IQSEC3: variants seen among roughly 807,000 people sequenced by gnomAD.
IQSEC3 encodes IQ motif and Sec7 domain ArfGEF 3.
A neutral mutation model predicts 105.4 loss-of-function variants in IQSEC3; 50 were observed. The ratio of observed to expected loss-of-function variants is 0.47; its 90% CI spans 0.38 to 0.60. The LOEUF (loss-of-function observed/expected upper bound fraction) is 0.60. Among genes scored for constraint, IQSEC3 ranks in the 20% least tolerant of loss-of-function variants. IQSEC3 has a pLI of 0.00. For missense variants in IQSEC3, 1,415 were observed against 1,630.0 expected, an observed-to-expected ratio of 0.87 and a Z score of 2.27; for synonymous variants, 708 against 746.0, an observed-to-expected ratio of 0.95 and a Z score of 0.83.
intron 1 of IQSEC3, among the ~76,000 whole-genome samples, chr12:79,947 T>A (rs1363411784): frequency 2.0e-5 from 3 of 152,248 alleles, no homozygotes; most frequent in African/African-American, 7.2e-5. Flanking sequence ...TTGAGTTTTG[T>A]TCCCTAATAA....
chr12:92,165 G>C (rs573804639), intron 1 of IQSEC3, among the ~76,000 whole-genome samples: 2 of 152,198 alleles, frequency 1.3e-5, no homozygotes, highest in African/African-American at 4.8e-5. Flanking sequence ...AGCCACAGGG[G>C]ACTGAATTCT....
chr12:174,027 C>G (rs768532239), intron 13 of IQSEC3, among the ~76,000 whole-genome samples: 1 of 152,198 alleles, frequency 6.6e-6, no homozygotes, highest in Non-Finnish European at 1.5e-5. Context: ...TGTTCTCGAA[C>G]GCAGGGTCAT....
At chr12:76,287 C>T (rs1467016485) in intron 1 of IQSEC3, among the ~76,000 whole-genome samples, 1 of 152,232 alleles carries the variant, frequency 6.6e-6, no homozygotes, top group African/African-American at 2.4e-5. Flanking sequence ...AGGCCCCTTA[C>T]CAGGCAGGAT....
chr12:106,074 A>G (rs1864639115), intron 2 of IQSEC3, among the ~76,000 whole-genome samples: 1 of 152,224 alleles, frequency 6.6e-6, no homozygotes, highest in African/African-American at 2.4e-5. Context: ...AATACTAGCC[A>G]CCATGTCCTG....
At chr12:99,040 C>CG in intron 1 of IQSEC3, 106 bp from the exon 2 acceptor site, 1 of 983,298 alleles carries the variant, frequency 1.0e-6, no homozygotes, top group Non-Finnish European at 1.5e-6. Context: ...CTCAAAAGGG[C>CG]GGGGGTAGGA....
intron 2 of IQSEC3, among the ~76,000 whole-genome samples, chr12:107,565 G>T (rs576531467): frequency 6.6e-6 from 1 of 151,648 alleles, no homozygotes; most frequent in East Asian, 1.9e-4. Context: ...GCCCGCCACC[G>T]TGCCCGGCTA....
In IQSEC3 at chr12:87,324, A is replaced by G. The variant is rs116421896; in HGVS notation, c.555-11822A>G. Reference sequence around the variant, plus strand: ...GCATGAAGGCTGATTTCCTCTCATCACCATGCAAAAAAAGTACTAGGAAAA... The same window carrying G: ...GCATGAAGGCTGATTTCCTCTCATCGCCATGCAAAAAAAGTACTAGGAAAA... On this transcript the variant is annotated intron_variant, in intron 1 of 13. Coordinates refer to ENST00000538872, the MANE Select transcript of IQSEC3 (RefSeq NM_001170738.2). Among the ~76,000 whole-genome samples, 692 of 152,200 alleles carry G rather than the reference A, an allele frequency of 4.5e-3. 4 individuals carry two copies. Among genetic ancestry groups the G allele is most frequent in the African/African-American group, 0.016 (665 of 41,510 alleles).
chr12:115,929 A>C (rs974211883), intron 2 of IQSEC3, among the ~76,000 whole-genome samples: 1 of 152,206 alleles, frequency 6.6e-6, no homozygotes, highest in Non-Finnish European at 1.5e-5. Flanking sequence ...ACAAGACACC[A>C]AGAGCGATAA....
intron 2 of IQSEC3, chr12:107,000 A>G (rs1555078071): frequency 6.6e-6 from 1 of 152,196 alleles, no homozygotes; most frequent in Non-Finnish European, 1.5e-5. Flanking sequence ...CCCTCAAGAG[A>G]CCATGGAATG....
intron 2 of IQSEC3, chr12:106,787 C>A (rs1304254204): frequency 6.6e-6 from 1 of 152,156 alleles, no homozygotes; most frequent in African/African-American, 2.4e-5. Context: ...CCCACTATTT[C>A]TTGTGCTTTG....
rs541923990 is a variant in IQSEC3 at position 95,530 on chromosome 12, T to C, written c.555-3616T>C. Among the ~76,000 whole-genome samples the C allele has an allele frequency of 1.1e-4, 17 of 152,330 alleles. No homozygotes were observed. The South Asian group carries it at 3.3e-3, about 30-fold the overall frequency. Reference sequence around the variant, plus strand: ...GGGAATTGATATTTAACATTGTCAGTCAACATTTTACCCTAAGCATTGCTT... The same window carrying C: ...GGGAATTGATATTTAACATTGTCAGCCAACATTTTACCCTAAGCATTGCTT... On this transcript the variant is annotated intron_variant, in intron 1 of 13. Transcript: ENST00000538872.
intron 2 of IQSEC3, among the ~76,000 whole-genome samples, chr12:113,148 G>C (rs1864947929): frequency 6.6e-6 from 1 of 152,126 alleles, no homozygotes; most frequent in South Asian, 2.1e-4. Context: ...TCCTGGGCTT[G>C]GATGCAGTTT....
chr12:76,733 C>T (rs1565378043), intron 1 of IQSEC3, among the ~76,000 whole-genome samples: 1 of 152,268 alleles, frequency 6.6e-6, no homozygotes, highest in Non-Finnish European at 1.5e-5. Flanking sequence ...GGTACAGGAG[C>T]TGTGCCACTG....
chr12:130,313 C>A (rs1210958286), intron 3 of IQSEC3, among the ~76,000 whole-genome samples: 3 of 152,218 alleles, frequency 2.0e-5, no homozygotes, highest in African/African-American at 7.2e-5. Context: ...CGGGTCTGCA[C>A]AACGTCCCCG....
At chr12:162,688 G>A (rs1032624230) in intron 8 of IQSEC3, among the ~76,000 whole-genome samples, 1 of 152,176 alleles carries the variant, frequency 6.6e-6, no homozygotes, top group Admixed American at 6.5e-5. Flanking sequence ...TCTGTGCAGG[G>A]ACAGGCTTTT....
intron 1 of IQSEC3, among the ~76,000 whole-genome samples, chr12:71,159 G>A (rs1189487471): frequency 6.6e-6 from 1 of 152,272 alleles, no homozygotes; most frequent in East Asian, 1.9e-4. Flanking sequence ...TTCTGGATGT[G>A]CTTTTTATCC....
intron 1 of IQSEC3, among the ~76,000 whole-genome samples, chr12:84,802 G>C (rs1028775677): frequency 1.3e-5 from 2 of 152,154 alleles, no homozygotes; most frequent in African/African-American, 4.8e-5. Context: ...TGGAATTGGG[G>C]ATTGGCTGGG....
chr12:89,243 A>T (rs1555072807), intron 1 of IQSEC3, among the ~76,000 whole-genome samples: 6 of 152,136 alleles, frequency 3.9e-5, no homozygotes, highest in Non-Finnish European at 8.8e-5. Context: ...GTGATGAACC[A>T]TCTAGTCTCT....
intron 5 of IQSEC3, chr12:141,606 C>T: frequency 3.3e-6 from 1 of 301,924 alleles, no homozygotes; most frequent in Non-Finnish European, 6.1e-6. Flanking sequence ...AAGGAAAGGG[C>T]TTGTGTCAGC....
Sources: gnomAD v4.1 joint callset for allele counts (sites outside exome capture counted in the v4.1 genomes callset) on GRCh38, gnomAD v4.1.1 for gene constraint, MANE v1.5 for transcripts, NCBI Gene and HGNC (gene_info 2026-07-23, HGNC 2026-07-21) for gene names.